EDIL3: variants seen among roughly 807,000 people sequenced by gnomAD.
EDIL3 encodes EGF-like repeat and discoidin I-like domain-containing protein 3.
EDIL3 carries 37 observed loss-of-function variants against 67.4 expected under a neutral mutation model. The ratio of observed to expected loss-of-function variants is 0.55; its 90% confidence interval spans 0.42 to 0.72. The LOEUF is 0.72. EDIL3 is among the 30% of genes least tolerant of loss of function. The probability of loss-of-function intolerance (pLI) is 0.00; values close to 1 mark genes in which losing one functional copy is unlikely to be tolerated. For synonymous variants in EDIL3, 195 were observed against 196.3 expected (o/e 0.99, Z 0.05); for missense variants, 527 against 586.3 (o/e 0.90, Z 1.04).
rs17206390 is a variant in EDIL3, at chr5:84,281,430, T to C, written c.68-27218A>G. 9.7e-3 allele frequency among the ~76,000 whole-genome samples: 1,471 copies of C among 152,336 alleles called. 10 individuals are homozygous for C. The highest frequency in any genetic ancestry group is 0.015 in the Non-Finnish European group (1,050 of 68,026). ...CCTTTCAGTAATGGGCACTCCACTA[T>C]AGTGCATTTTAGATCTTGTTTAAAT... On this transcript the variant is annotated intron_variant, in intron 1 of 10. Transcript: ENST00000296591.
At chr5:84,238,956 C>A (rs1044850104) in intron 2 of EDIL3, among the ~76,000 whole-genome samples, 1 of 151,998 alleles carries the variant, frequency 6.6e-6, no homozygotes, top group South Asian at 2.1e-4. Flanking sequence ...GTCTTGAATG[C>A]AAACTATTAA....
At chr5:84,357,887 CAAAAA>C (rs140686250) in intron 1 of EDIL3, among the ~76,000 whole-genome samples, 1 of 79,272 alleles carries the variant, frequency 1.3e-5, no homozygotes, top group African/African-American at 5.0e-5. Context: ...GACTCAGTCT[CAAAAA>C]AAAAAAAAAA....
intron 1 of EDIL3, among the ~76,000 whole-genome samples, chr5:84,283,680 G>A (rs1364483767): frequency 6.6e-6 from 1 of 152,126 alleles, no homozygotes; most frequent in Non-Finnish European, 1.5e-5. Context: ...GGGCACCACA[G>A]TGCATTATCC....
At chr5:84,273,950 C>T (rs1435465042) in intron 1 of EDIL3, among the ~76,000 whole-genome samples, 3 of 152,084 alleles carry the variant, frequency 2.0e-5, no homozygotes, top group Non-Finnish European at 4.4e-5. Flanking sequence ...TACATCTATG[C>T]CTTGTTGTCA....
intron 3 of EDIL3, among the ~76,000 whole-genome samples, chr5:84,188,869 A>C (rs1300874330): frequency 6.6e-6 from 1 of 151,956 alleles, no homozygotes; most frequent in Non-Finnish European, 1.5e-5. Context: ...GAGAAAACAA[A>C]TTTCTGTTGT....
chr5:84,160,726 C>G (rs886967359), intron 4 of EDIL3, among the ~76,000 whole-genome samples: 9 of 136,404 alleles, frequency 6.6e-5, no homozygotes, highest in African/African-American at 2.3e-4. Flanking sequence ...TCATTTTCTT[C>G]TTTTTTTTCT....
intron 5 of EDIL3, among the ~76,000 whole-genome samples, chr5:84,125,124 C>A (rs1747844842): frequency 2.0e-5 from 3 of 151,760 alleles, no homozygotes; most frequent in South Asian, 2.1e-4. Flanking sequence ...GACAGAGGGG[C>A]CAGAAACCCG....
At chr5:84,235,362 C>T (rs1157581662) in intron 2 of EDIL3, among the ~76,000 whole-genome samples, 2 of 152,112 alleles carry the variant, frequency 1.3e-5, no homozygotes, top group Non-Finnish European at 2.9e-5. Context: ...ATAGAAAATG[C>T]TTGAATAATC....
chr5:83,982,715 C>T (rs912542792), intron 9 of EDIL3, among the ~76,000 whole-genome samples: 2 of 152,132 alleles, frequency 1.3e-5, no homozygotes, highest in Non-Finnish European at 2.9e-5. Context: ...TAAGTATTCA[C>T]ATGATTTATC....
At chr5:83,994,370 T>C (rs1166209500) in intron 9 of EDIL3, among the ~76,000 whole-genome samples, 1 of 117,844 alleles carries the variant, frequency 8.5e-6, no homozygotes, top group East Asian at 2.9e-4. Context: ...ATGGGAACAA[T>C]TTCACAAGGC....
At chr5:84,025,806 A>G (rs1420575606) in intron 9 of EDIL3, among the ~76,000 whole-genome samples, 1 of 152,196 alleles carries the variant, frequency 6.6e-6, no homozygotes, top group Non-Finnish European at 1.5e-5. Flanking sequence ...GTAATAGGAT[A>G]TTATTTTAGG....
chr5:84,198,098 T>G (rs1743750734), intron 3 of EDIL3, among the ~76,000 whole-genome samples: 1 of 152,014 alleles, frequency 6.6e-6, no homozygotes, highest in African/African-American at 2.4e-5. Context: ...TAGATAGTGT[T>G]AATATTTAGA....
chr5:84,351,500 G>A (rs928039555), intron 1 of EDIL3, among the ~76,000 whole-genome samples: 3 of 152,092 alleles, frequency 2.0e-5, no homozygotes, highest in Non-Finnish European at 2.9e-5. Context: ...CATTGCTGAC[G>A]ATAAGCTAGG....
At chr5:84,167,131 T>C (rs183972819) in intron 4 of EDIL3, among the ~76,000 whole-genome samples, 87 of 152,184 alleles carry the variant, frequency 5.7e-4, no homozygotes, top group African/African-American at 2.0e-3. Flanking sequence ...TGAGAATAAA[T>C]TGGGAGCAAG....
chr5:84,085,029 T>G (rs766307762), intron 6 of EDIL3, among the ~76,000 whole-genome samples: 1 of 152,228 alleles, frequency 6.6e-6, no homozygotes, highest in Non-Finnish European at 1.5e-5. Flanking sequence ...GCAGAAATTT[T>G]ACATAATTTT....
intron 6 of EDIL3, among the ~76,000 whole-genome samples, chr5:84,076,774 C>T (rs930936088): frequency 2.0e-5 from 3 of 152,108 alleles, no homozygotes; most frequent in Non-Finnish European, 4.4e-5. Context: ...TTGCTGTATT[C>T]ATTTTCAAGA....
chr5:84,249,892 G>C (rs753488001), intron 2 of EDIL3, among the ~76,000 whole-genome samples: 26 of 152,196 alleles, frequency 1.7e-4, no homozygotes, highest in Non-Finnish European at 1.0e-4. Context: ...TCAGGAGTTG[G>C]AGACCAGTCT....
At chr5:84,270,426 C>T (rs754302591) in intron 1 of EDIL3, among the ~76,000 whole-genome samples, 3 of 152,116 alleles carry the variant, frequency 2.0e-5, no homozygotes, top group Admixed American at 6.5e-5. Flanking sequence ...ACTCATAAGC[C>T]TAAGGATATA....
chr5:83,999,267 A>G (rs190045981), intron 9 of EDIL3, among the ~76,000 whole-genome samples: 8 of 152,274 alleles, frequency 5.3e-5, no homozygotes, highest in African/African-American at 1.9e-4. Context: ...CATTAAGGCT[A>G]TCTAGACAAA....
Sources: allele counts gnomAD v4.1 joint callset (sites outside exome capture counted in the v4.1 genomes callset), GRCh38; gene constraint gnomAD v4.1.1; transcripts MANE v1.5; gene names NCBI Gene and HGNC (gene_info 2026-07-23, HGNC 2026-07-21).